The following DNAJB2 variants were observed in gnomAD, a reference collection of about 807,000 sequenced individuals.
The protein encoded by DNAJB2 is DnaJ heat shock protein family (Hsp40) member B2.
DNAJB2 carries 19 observed loss-of-function variants against 33.3 expected under a neutral mutation model. The ratio of observed to expected loss-of-function variants is 0.57; its 90% confidence interval spans 0.40 to 0.84. DNAJB2 has a LOEUF of 0.84. Among genes scored for constraint, DNAJB2 ranks in the 40% least tolerant of loss-of-function variants. The pLI, the probability that DNAJB2 is intolerant of heterozygous loss-of-function variation, is 0.00. For missense variants in DNAJB2, 368 were observed against 430.9 expected, an observed-to-expected ratio of 0.85 and a Z score of 1.29; for synonymous variants, 172 against 164.6, an observed-to-expected ratio of 1.04 and a Z score of -0.34.
At chr2:219,282,201 G>A in intron 5 of DNAJB2, 140 bp downstream of exon 5, 2 of 1,410,824 alleles carry the variant, frequency 1.4e-6, no homozygotes, top group Non-Finnish European at 2.0e-6. Flanking sequence ...GCTGGGTCCA[G>A]TGAGAGCCGG....
chr2:219,285,224 G>T lies in DNAJB2; in HGVS notation c.*237G>T. On this transcript the variant is annotated 3_prime_UTR_variant, in exon 9 of 9. Transcript: ENST00000336576. ...GTGGGGGGTGTCAGGGCAGTGGAGG[G>T]GCCCGAGGAGCCAGGTTGCATTTAT... 1 of 1,226,692 alleles carries T rather than the reference G, an allele frequency of 8.2e-7. No individual in the cohort carries two copies. The highest frequency in any genetic ancestry group is 1.0e-6 in the Non-Finnish European group (1 of 983,138). 76.0% of individuals were successfully genotyped at this position (1,226,692 alleles called of 1,614,324 possible).
In DNAJB2 at chr2:219,284,873, C is replaced by T. The variant is rs761362316; in HGVS notation, c.861C>T (p.Pro287=). 3.3e-5 allele frequency: 53 copies of T among 1,608,756 alleles called. No individual in the cohort carries two copies. The highest frequency in any genetic ancestry group is 3.8e-5 in the Non-Finnish European group (45 of 1,177,178). ...REAQHRRQGR[P]KAQHQDPGLG... is the part of the protein sequence containing the mutation. ...CACAGCACCGACGGCAGGGGCGGCC[C>T]AAGGCCCAGCACCAAGATCCAGGCT... is the stretch of plus-strand genomic sequence containing the variant. Residue 287 remains proline (P), a synonymous_variant, in exon 9 of 9, where the codon CCC becomes CCT. Coordinates refer to ENST00000336576, the MANE Select transcript of DNAJB2 (RefSeq NM_006736.6).
At position 219,281,588 on chromosome 2, in the gene DNAJB2, TC is replaced by T; in HGVS notation, c.176-126del. On this transcript the variant is annotated intron_variant, in intron 3 of 8. Coordinates refer to ENST00000336576, the MANE Select transcript of DNAJB2 (RefSeq NM_006736.6). The stretch of plus-strand genomic sequence containing the variant: ...AAACCTATAGCCCGTGTCCCCTGGG[TC>T]CCCTGCTGTGCCTGCTTTCCCCCGC... 12 of 1,212,586 alleles carry T rather than the reference TC, an allele frequency of 9.9e-6. No homozygotes were observed. The South Asian group carries it at 1.2e-4, about 12-fold the overall frequency. 75.1% of individuals were successfully genotyped at this position (1,212,586 alleles called of 1,614,324 possible).
intron 5 of DNAJB2, chr2:219,282,319 G>T: frequency 1.9e-6 from 1 of 531,336 alleles, no homozygotes; most frequent in Non-Finnish European, 3.3e-6. Flanking sequence ...TATAGTAACA[G>T]CCATGAAAGC....
chr2:219,279,910 C>T lies in DNAJB2; in HGVS notation c.65+12C>T, dbSNP rs1044556723. On this transcript the variant is annotated intron_variant, in intron 2 of 8. Transcript: ENST00000336576. This position sits in a 1 kb window ranked among gnomAD's most constrained non-coding sequence, Gnocchi z 4.9. ...GACATCAAGAAGGCGTAAGTGCCTC[C>T]GTATGCAACAGAAGACCTCTCACCC... 5 of 1,613,782 alleles carry T rather than the reference C, an allele frequency of 3.1e-6. No individual in the cohort carries two copies. Among genetic ancestry groups the T allele is most frequent in the Non-Finnish European group, 4.2e-6 (5 of 1,179,924 alleles).
At chr2:219,282,237 C>T in intron 5 of DNAJB2, 176 bp downstream of exon 5, 1 of 858,224 alleles carries the variant, frequency 1.2e-6, no homozygotes, top group Non-Finnish European at 1.8e-6. Flanking sequence ...GTGCCAGAAC[C>T]CCCGTAATCC....
rs773399502 is a variant in DNAJB2, at chr2:219,286,215, C to G, written c.*1228C>G. ...TGCTGGCTCCTGGGGACTACAAATC[C>G]CAGAGTGCGGTGTGCCCGGCCTCAT... On this transcript the variant is annotated 3_prime_UTR_variant, in exon 9 of 9. Coordinates refer to ENST00000336576, the MANE Select transcript of DNAJB2 (RefSeq NM_006736.6). 9 of 570,374 alleles carry G rather than the reference C, an allele frequency of 1.6e-5. No individual in the cohort carries two copies. The highest frequency in any genetic ancestry group is 2.4e-5 in the Non-Finnish European group (8 of 332,210). The allele number at this position is 570,374 out of a possible 1,614,324, so 35.3% of individuals were successfully genotyped here. A position where few individuals can be genotyped will look rare whatever the true frequency, so the allele number is the denominator to read the frequency against.
intron 8 of DNAJB2, 147 bp from the exon 9 acceptor site, chr2:219,284,485 C>A (rs1490919581): frequency 9.7e-7 from 1 of 1,026,502 alleles, no homozygotes; most frequent in Non-Finnish European, 1.4e-6. Flanking sequence ...TCCTTGTGCT[C>A]AAAATCACAA....
At chr2:219,282,272 C>T (rs976078161) in intron 5 of DNAJB2, 2 of 636,028 alleles carry the variant, frequency 3.1e-6, no homozygotes, top group African/African-American at 1.8e-5. Context: ...ACAGACTCAC[C>T]TTATTAAATT....
At position 219,279,520 on chromosome 2, in the gene DNAJB2, T is replaced by G. The variant is rs952854988; in HGVS notation, c.-37+2T>G. On this transcript the variant is annotated splice_donor_variant, in intron 1 of 8. Transcript: ENST00000336576. LOFTEE classifies it low-confidence loss of function (5UTR_SPLICE). This position sits in a 1 kb window ranked among gnomAD's most constrained non-coding sequence, Gnocchi z 4.9. Reference sequence around the variant, plus strand: ...AGGCCGGGACTCCTGGCGGAGGAGGTGCGGCCGGGGGCCCGGGTCAGGCTG... The same window carrying G: ...AGGCCGGGACTCCTGGCGGAGGAGGGGCGGCCGGGGGCCCGGGTCAGGCTG... 1 of 278,222 alleles carries G rather than the reference T, an allele frequency of 3.6e-6. No individual in the cohort carries two copies. The highest frequency in any genetic ancestry group is 6.8e-6 in the Non-Finnish European group (1 of 146,106). The allele number at this position is 278,222 out of a possible 1,614,324, so 17.2% of individuals were successfully genotyped here.
chr2:219,285,170 G>C lies in DNAJB2; in HGVS notation c.*183G>C. The C allele has an allele frequency of 7.7e-7, 1 of 1,299,026 alleles. No individual in the cohort carries two copies. Among genetic ancestry groups the C allele is most frequent in the South Asian group, 2.8e-5 (1 of 35,574 alleles). The allele number at this position is 1,299,026 out of a possible 1,614,324, so 80.5% of individuals were successfully genotyped here. A position where few individuals can be genotyped will look rare whatever the true frequency, so the allele number is the denominator to read the frequency against. On this transcript the variant is annotated 3_prime_UTR_variant, in exon 9 of 9. Transcript: ENST00000336576. ...CTTGGGATTTGCTGTGCTCAGCCCA[G>C]GGCTGATAGGTCCCTGGTGAAGCCC...
chr2:219,284,906 G>C lies in DNAJB2; in HGVS notation c.894G>C (p.Gly298=), dbSNP rs147049774. The change falls in exon 9 of 9, where the codon GGG becomes GGC. Residue 298 remains glycine (G), a synonymous_variant. Transcript: ENST00000336576. ...KAQHQDPGLG[G]TQEGARGEAT... The stretch of plus-strand genomic sequence containing the variant: ...AGCACCAAGATCCAGGCTTGGGGGG[G>C]ACCCAGGAGGGTGCGAGGGGTGAAG... 7.5e-6 allele frequency: 12 copies of C among 1,596,370 alleles called. No individual in the cohort carries two copies. The highest frequency in any genetic ancestry group is 2.3e-5 in the East Asian group (1 of 44,408).
In DNAJB2 at chr2:219,285,904, C is replaced by G. The variant is rs958650669; in HGVS notation, c.*917C>G. 2 of 1,588,028 alleles carry G rather than the reference C, an allele frequency of 1.3e-6. No homozygotes were observed. Among genetic ancestry groups the G allele is most frequent in the African/African-American group, 2.7e-5 (2 of 74,668 alleles). On this transcript the variant is annotated 3_prime_UTR_variant, in exon 9 of 9. Coordinates refer to ENST00000336576, the MANE Select transcript of DNAJB2 (RefSeq NM_006736.6). ...GCTCAGGGAGAGGCCATGCGGCCAG[C>G]CCAGGTCTGCATGCTGAGCCCCATC...
At position 219,283,088 on chromosome 2, in the gene DNAJB2, C is replaced by G. The variant is rs541164513; in HGVS notation, c.446-45C>G. 1.1e-5 allele frequency: 17 copies of G among 1,480,942 alleles called. No individual in the cohort carries two copies. In the African/African-American group the frequency reaches 1.6e-4, roughly 14 times the overall value. The allele number at this position is 1,480,942 out of a possible 1,614,324, so 91.7% of individuals were successfully genotyped here. ...CGGTGACCACAACAGGCAGCGCAGT[C>G]TTCTTCTAACCACCTCTCCTCCTCC... On this transcript the variant is annotated intron_variant, in intron 6 of 8. Coordinates refer to ENST00000336576, the MANE Select transcript of DNAJB2 (RefSeq NM_006736.6).
chr2:219,280,552 C>G lies in DNAJB2; in HGVS notation c.66-26C>G, dbSNP rs1228532781. The G allele has an allele frequency of 3.1e-6, 5 of 1,588,452 alleles. No individual in the cohort carries two copies. The Admixed American group carries it at 5.0e-5, about 16-fold the overall frequency. Reference sequence around the variant, plus strand: ...AAGTGCCTGCATTTGTCCCCCGACTCTCTCCTCTGCACCCACTTTCTGCAG... The same window carrying G: ...AAGTGCCTGCATTTGTCCCCCGACTGTCTCCTCTGCACCCACTTTCTGCAG... On this transcript the variant is annotated intron_variant, in intron 2 of 8. Coordinates refer to ENST00000336576, the MANE Select transcript of DNAJB2 (RefSeq NM_006736.6).
chr2:219,280,139 GT>G (rs1217416274), intron 2 of DNAJB2: 1 of 555,302 alleles, frequency 1.8e-6, no homozygotes, highest in East Asian at 3.1e-5. Context: ...TTGTTCTCCA[GT>G]TGATCTTCCC....
chr2:219,281,624 G>C (rs1951904632), intron 3 of DNAJB2, 94 bp from the exon 4 acceptor site: 6 of 1,545,624 alleles, frequency 3.9e-6, no homozygotes, highest in Non-Finnish European at 5.3e-6. Flanking sequence ...CCAAGTGTCA[G>C]AGTGTCAGTC....
Position 219,279,587 on chromosome 2 carries a change from G to C in DNAJB2, c.-37+69G>C. 3.9e-6 allele frequency: 2 copies of C among 508,616 alleles called. No homozygotes were observed. The highest frequency in any genetic ancestry group is 7.2e-5 in the East Asian group (2 of 27,900). 31.5% of individuals were successfully genotyped at this position (508,616 alleles called of 1,614,324 possible). A position where few individuals can be genotyped will look rare whatever the true frequency, so the allele number is the denominator to read the frequency against. ...CTGCTGGAGTTGGGGGGCCCCGATA[G>C]GGCTCCTGGGCCTGGGCGTCGAGAT... On this transcript the variant is annotated intron_variant, in intron 1 of 8. Coordinates refer to ENST00000336576, the MANE Select transcript of DNAJB2 (RefSeq NM_006736.6). This position sits in a 1 kb window ranked among gnomAD's most constrained non-coding sequence, Gnocchi z 4.9.
At position 219,284,860 on chromosome 2, in the gene DNAJB2, G is replaced by A. The variant is rs570285650; in HGVS notation, c.848G>A (p.Arg283Gln). 6 of 1,610,088 alleles carry A rather than the reference G, an allele frequency of 3.7e-6. No individual in the cohort carries two copies. Among genetic ancestry groups the A allele is most frequent in the South Asian group, 1.1e-5 (1 of 90,702 alleles). The change falls in exon 9 of 9, where the codon CGG becomes CAG. Residue 283 changes from arginine to glutamine, a missense_variant. Coordinates refer to ENST00000336576, the MANE Select transcript of DNAJB2 (RefSeq NM_006736.6). ...GGTGGGCGGGAGGCACAGCACCGAC[G>A]GCAGGGGCGGCCCAAGGCCCAGCAC... The part of the protein sequence containing the change: ...PAGGREAQHR[R>Q]QGRPKAQHQD...
Sources: allele counts gnomAD v4.1 joint callset, GRCh38; gene constraint gnomAD v4.1.1; non-coding constraint Gnocchi (gnomAD v3.1); transcripts MANE v1.5; gene names NCBI Gene and HGNC (gene_info 2026-07-23, HGNC 2026-07-21).